ZNF385D: variants seen among roughly 807,000 people sequenced by gnomAD.
ZNF385D encodes zinc finger protein 385D.
ZNF385D carries 15 observed loss-of-function variants against 35.8 expected under a neutral mutation model. The ratio of observed to expected loss-of-function variants is 0.42; its 90% CI spans 0.28 to 0.64. ZNF385D has a LOEUF of 0.64. ZNF385D is among the 30% of genes least tolerant of loss of function. The pLI is 0.23. For synonymous variants in ZNF385D, 212 were observed against 186.8 expected (o/e 1.13, Z -1.10); for missense variants, 474 against 494.6 (o/e 0.96, Z 0.39).
In ZNF385D at chr3:21,511,581, A is replaced by G. The variant is rs575570238; in HGVS notation, c.277-558T>C. 9.5e-6 allele frequency: 4 copies of G among 418,870 alleles called. No individual in the cohort carries two copies. The East Asian group carries it at 2.9e-4, about 30-fold the overall frequency. 25.9% of individuals were successfully genotyped at this position (418,870 alleles called of 1,614,324 possible). On this transcript the variant is annotated intron_variant, in intron 3 of 7. Coordinates refer to ENST00000281523, the MANE Select transcript of ZNF385D (RefSeq NM_024697.3). ...CTTCTTAAGTTCAAATGGAGCACAC[A>G]GAAGCCGGGCAATTTCAGATTCTTT... is the stretch of plus-strand genomic sequence containing the variant.
intron 3 of ZNF385D, among the ~76,000 whole-genome samples, chr3:21,982,576 C>A (rs1206493569): frequency 6.6e-6 from 1 of 152,076 alleles, no homozygotes; most frequent in Non-Finnish European, 1.5e-5. Context: ...GCCCTTTATT[C>A]CTTTCTCTTG....
chr3:21,423,641 AT>A (rs1247621164), intron 7 of ZNF385D, among the ~76,000 whole-genome samples: 1 of 152,184 alleles, frequency 6.6e-6, no homozygotes, highest in African/African-American at 2.4e-5. Flanking sequence ...GTTATTCAAA[AT>A]CCAAAATTGT....
chr3:22,247,087 CTG>C (rs1276126607), intron 2 of ZNF385D, among the ~76,000 whole-genome samples: 1 of 152,110 alleles, frequency 6.6e-6, no homozygotes, highest in African/African-American at 2.4e-5. Flanking sequence ...TCATTCTATT[CTG>C]TTAGATTTTA....
At chr3:22,360,242 G>T (rs745894829) in intron 2 of ZNF385D, among the ~76,000 whole-genome samples, 1 of 151,872 alleles carries the variant, frequency 6.6e-6, no homozygotes, top group South Asian at 2.1e-4. Flanking sequence ...TCTTTAAAAC[G>T]TGTGCCTGGT....
intron 2 of ZNF385D, among the ~76,000 whole-genome samples, chr3:21,592,193 T>G (rs984124696): frequency 2.6e-4 from 40 of 152,320 alleles, no homozygotes; most frequent in African/African-American, 9.6e-4. Context: ...TTTTCTTGAC[T>G]TATCTAAACC....
intron 3 of ZNF385D, among the ~76,000 whole-genome samples, chr3:22,083,229 G>T: frequency 6.6e-6 from 1 of 152,348 alleles, no homozygotes; most frequent in South Asian, 2.1e-4. Flanking sequence ...GACGGAGAAT[G>T]ACTTTGATGA....
At chr3:22,168,884 G>C in exon 3 of ZNF385D, 1 of 985,804 alleles carries the variant, frequency 1.0e-6, no homozygotes, top group Non-Finnish European at 1.2e-6. Flanking sequence ...TGCCATTGTA[G>C]TGGATTTGTG....
chr3:22,203,505 C>G (rs187683703), intron 2 of ZNF385D, among the ~76,000 whole-genome samples: 1 of 152,228 alleles, frequency 6.6e-6, no homozygotes, highest in African/African-American at 2.4e-5. Flanking sequence ...TGTCTTATAG[C>G]TTAGGTACCA....
intron 3 of ZNF385D, among the ~76,000 whole-genome samples, chr3:21,855,466 G>C (rs1696656080): frequency 6.6e-6 from 1 of 151,876 alleles, no homozygotes; most frequent in African/African-American, 2.4e-5. Context: ...GATCTTCCTC[G>C]GCATCTCTAC....
chr3:22,203,967 G>A lies in ZNF385D; in HGVS notation c.107-34932C>T, dbSNP rs542743236. 3.0e-4 allele frequency among the ~76,000 whole-genome samples: 45 copies of A among 152,152 alleles called. No individual in the cohort carries two copies. The South Asian group carries it at 4.1e-3, about 14-fold the overall frequency. Reference sequence around the variant, plus strand: ...TTGGCTTCATAACCTGCTGATTATGGAGCCTTAGGGCTCTGAGCAAACATA... The same window carrying A: ...TTGGCTTCATAACCTGCTGATTATGAAGCCTTAGGGCTCTGAGCAAACATA... On this transcript the variant is annotated intron_variant, in intron 2 of 5. Transcript: ENST00000494108.
chr3:22,182,059 C>A (rs1559434209), intron 2 of ZNF385D, among the ~76,000 whole-genome samples: 1 of 152,000 alleles, frequency 6.6e-6, no homozygotes, highest in African/African-American at 2.4e-5. Context: ...CTGCCTATAT[C>A]TTTATTGTAG....
intron 1 of ZNF385D, among the ~76,000 whole-genome samples, chr3:21,701,299 GAAAAATGA>G (rs751177408): frequency 9.6e-4 from 2 of 2,094 alleles, no homozygotes; most frequent in Non-Finnish European, 1.5e-3. Context: ...GGTGGCAAGA[GAAAAATGA>G]GAAAATGAGG....
intron 2 of ZNF385D, among the ~76,000 whole-genome samples, chr3:22,216,137 C>T (rs1697868275): frequency 6.6e-6 from 1 of 151,992 alleles, no homozygotes; most frequent in Non-Finnish European, 1.5e-5. Context: ...AGATTATTTC[C>T]TCTGAAACAG....
At chr3:22,311,696 GAAGAT>G (rs1179472327) in intron 2 of ZNF385D, among the ~76,000 whole-genome samples, 1 of 152,064 alleles carries the variant, frequency 6.6e-6, no homozygotes, top group East Asian at 1.9e-4. Context: ...TGGAGAAAAA[GAAGAT>G]AATATTCACG....
At chr3:22,241,373 T>C (rs541245287) in intron 2 of ZNF385D, among the ~76,000 whole-genome samples, 3 of 151,322 alleles carry the variant, frequency 2.0e-5, no homozygotes, top group East Asian at 3.9e-4. Context: ...CAATTCTATA[T>C]TGGTTTTGAT....
chr3:22,141,432 A>T (rs188174965), intron 3 of ZNF385D, among the ~76,000 whole-genome samples: 14 of 152,332 alleles, frequency 9.2e-5, no homozygotes, highest in Non-Finnish European at 1.9e-4. Context: ...ACACTGTTAT[A>T]AATCTTGATT....
At chr3:21,801,011 A>G (rs1405728832) in intron 3 of ZNF385D, among the ~76,000 whole-genome samples, 1 of 152,130 alleles carries the variant, frequency 6.6e-6, no homozygotes, top group Non-Finnish European at 1.5e-5. Flanking sequence ...ACCATATTGA[A>G]AAAGTCTCCT....
chr3:22,005,671 C>A (rs1696157742), intron 3 of ZNF385D, among the ~76,000 whole-genome samples: 1 of 151,972 alleles, frequency 6.6e-6, no homozygotes, highest in African/African-American at 2.4e-5. Flanking sequence ...TATTCTCACA[C>A]CTCATTATAC....
intron 3 of ZNF385D, among the ~76,000 whole-genome samples, chr3:21,792,917 G>C (rs1018065564): frequency 6.6e-6 from 1 of 152,048 alleles, no homozygotes; most frequent in Admixed American, 6.5e-5. Flanking sequence ...ATTTTGGGTT[G>C]GTCACTGACT....
Sources: gnomAD v4.1 joint callset for allele counts (sites outside exome capture counted in the v4.1 genomes callset) on GRCh38, gnomAD v4.1.1 for gene constraint, MANE v1.5 for transcripts, NCBI Gene and HGNC (gene_info 2026-07-23, HGNC 2026-07-21) for gene names.